The following THSD7B variants were observed in gnomAD, a reference collection of about 807,000 sequenced individuals.
THSD7B encodes the protein thrombospondin type 1 domain containing 7B.
In THSD7B, 138 loss-of-function variants were observed where a neutral mutation model predicts 213.6. The ratio of observed to expected loss-of-function variants is 0.65; its 90% CI spans 0.56 to 0.74. The LOEUF (loss-of-function observed/expected upper bound fraction) is 0.74. Ranked by LOEUF, THSD7B falls within the 30% of genes least tolerant of loss-of-function variation. The pLI, the probability that THSD7B is intolerant of heterozygous loss-of-function variation, is 0.00. For synonymous variants in THSD7B, 742 were observed against 687.0 expected (o/e 1.08, Z -1.25); for missense variants, 1,931 against 1,991.5 (o/e 0.97, Z 0.58).
chr2:137,412,902 T>A (rs1686701581), intron 14 of THSD7B, among the ~76,000 whole-genome samples: 1 of 151,074 alleles, frequency 6.6e-6, no homozygotes, highest in Non-Finnish European at 1.5e-5. Context: ...TCTTTTTTTT[T>A]TTTTACTAGT....
At chr2:137,365,424 C>T (rs2104942029) in intron 12 of THSD7B, among the ~76,000 whole-genome samples, 1 of 152,222 alleles carries the variant, frequency 6.6e-6, no homozygotes, top group South Asian at 2.1e-4. Flanking sequence ...TTCTGCACAG[C>T]AAAAGAAACT....
chr2:137,030,507 C>T (rs1180322750), intron 2 of THSD7B, among the ~76,000 whole-genome samples: 2 of 151,776 alleles, frequency 1.3e-5, no homozygotes, highest in Admixed American at 1.3e-4. Context: ...TTGCCAGGTA[C>T]CAGCTGCCCA....
intron 2 of THSD7B, among the ~76,000 whole-genome samples, chr2:137,003,983 T>C (rs1295763698): frequency 6.6e-6 from 1 of 152,190 alleles, no homozygotes; most frequent in Admixed American, 6.5e-5. Context: ...TTCTCTTCCA[T>C]TGATGCCTAA....
chr2:137,538,196 G>C (rs543131675), intron 15 of THSD7B, among the ~76,000 whole-genome samples: 1 of 151,786 alleles, frequency 6.6e-6, no homozygotes. Context: ...TTAGGAATCA[G>C]CTCTCATAGC....
chr2:136,805,818 C>T (rs997881855), intron 1 of THSD7B, among the ~76,000 whole-genome samples: 1 of 152,212 alleles, frequency 6.6e-6, no homozygotes, highest in Admixed American at 6.5e-5. Context: ...CAGCTTCCAG[C>T]AACTGCTCTG....
chr2:137,501,202 C>T (rs113855826), intron 15 of THSD7B, among the ~76,000 whole-genome samples: 1 of 152,138 alleles, frequency 6.6e-6, no homozygotes, highest in African/African-American at 2.4e-5. Context: ...GAATAAGATG[C>T]TATTGACATA....
intron 3 of THSD7B, among the ~76,000 whole-genome samples, chr2:137,071,025 G>A (rs377518236): frequency 7.9e-5 from 12 of 152,222 alleles, no homozygotes; most frequent in Middle Eastern, 3.4e-3. Context: ...ATAAACATAC[G>A]TGTGCATGTG....
At chr2:136,947,306 GTTAA>G (rs1441664920) in intron 2 of THSD7B, among the ~76,000 whole-genome samples, 1 of 152,064 alleles carries the variant, frequency 6.6e-6, no homozygotes, top group Non-Finnish European at 1.5e-5. Flanking sequence ...GAAATATTTG[GTTAA>G]TTGAGATATT....
chr2:136,902,837 C>T (rs1183417975), intron 2 of THSD7B, among the ~76,000 whole-genome samples: 2 of 152,192 alleles, frequency 1.3e-5, no homozygotes, highest in Non-Finnish European at 2.9e-5. Flanking sequence ...CCAACGTCAG[C>T]GGCTCTGGAA....
chr2:137,097,935 A>G (rs1306215333), intron 4 of THSD7B, among the ~76,000 whole-genome samples: 5 of 151,628 alleles, frequency 3.3e-5, no homozygotes, highest in Non-Finnish European at 7.4e-5. Flanking sequence ...AGGAGAATAC[A>G]TAAGTAACAG....
chr2:137,490,581 G>A (rs970459595), intron 15 of THSD7B, among the ~76,000 whole-genome samples: 3 of 152,100 alleles, frequency 2.0e-5, no homozygotes, highest in African/African-American at 7.2e-5. Context: ...CCATCAGAGT[G>A]CTACATTTTT....
At chr2:137,534,498 A>G (rs1680464935) in intron 15 of THSD7B, among the ~76,000 whole-genome samples, 1 of 151,866 alleles carries the variant, frequency 6.6e-6, no homozygotes, top group East Asian at 1.9e-4. Flanking sequence ...AGTGCACTTA[A>G]GTTTTTCTTT....
chr2:137,633,990 C>T lies in THSD7B; in HGVS notation c.3800-8498C>T, dbSNP rs533073424. ...ATGAGGTTTTGTTAGTATTCCTTTG[C>T]TTCTTTTTCACTTATGTTGTCATCC... On this transcript the variant is annotated intron_variant, in intron 20 of 27. Coordinates refer to ENST00000409968, the MANE Select transcript of THSD7B (RefSeq NM_001316349.2). 1.5e-4 allele frequency among the ~76,000 whole-genome samples: 23 copies of T among 152,216 alleles called. No homozygotes were observed. In the South Asian group the frequency reaches 2.3e-3, roughly 15 times the overall value.
intron 5 of THSD7B, among the ~76,000 whole-genome samples, chr2:137,129,133 A>G (rs73958367): frequency 0.025 from 3,766 of 152,214 alleles, 167 homozygotes; most frequent in African/African-American, 0.085. Context: ...CCTTTTATAA[A>G]GAAGAAGATA....
intron 22 of THSD7B, 52 bp from the exon 23 acceptor site, chr2:137,656,744 C>G (rs1389913615): frequency 6.5e-7 from 1 of 1,548,766 alleles, no homozygotes; most frequent in African/African-American, 1.4e-5. Flanking sequence ...AAATGTTGTC[C>G]AGTGCCACTT....
At chr2:137,089,417 T>C (rs568410486) in intron 3 of THSD7B, among the ~76,000 whole-genome samples, 2 of 150,000 alleles carry the variant, frequency 1.3e-5, no homozygotes, top group Non-Finnish European at 3.0e-5. Flanking sequence ...TACACACACA[T>C]ATATGTATAT....
At chr2:137,385,522 G>A (rs1236073772) in intron 12 of THSD7B, among the ~76,000 whole-genome samples, 1 of 152,304 alleles carries the variant, frequency 6.6e-6, no homozygotes, top group Non-Finnish European at 1.5e-5. Flanking sequence ...TCTGCCCAGT[G>A]GTCTTGAGCC....
chr2:136,885,604 C>A (rs1683704659), intron 2 of THSD7B, among the ~76,000 whole-genome samples: 1 of 152,122 alleles, frequency 6.6e-6, no homozygotes. Flanking sequence ...TTCATGCCTG[C>A]CTGCTTTGTG....
intron 2 of THSD7B, among the ~76,000 whole-genome samples, chr2:137,011,283 C>A (rs368410237): frequency 2.6e-4 from 39 of 152,300 alleles, no homozygotes; most frequent in African/African-American, 8.2e-4. Context: ...CATTTGTTTC[C>A]TAAACATCCC....
Sources: allele counts gnomAD v4.1 joint callset (sites outside exome capture counted in the v4.1 genomes callset), GRCh38; gene constraint gnomAD v4.1.1; transcripts MANE v1.5; gene names NCBI Gene and HGNC (gene_info 2026-07-23, HGNC 2026-07-21).